CRHR2: variants seen among roughly 807,000 people sequenced by gnomAD.
CRHR2 encodes the protein corticotropin releasing hormone receptor 2, also known as corticotropin-releasing hormone receptor 2.
CRHR2 carries 53 observed loss-of-function variants against 57.9 expected under a neutral mutation model. The ratio of observed to expected loss-of-function variants is 0.92; its 90% CI spans 0.73 to 1.15. The LOEUF (loss-of-function observed/expected upper bound fraction) is 1.15. Among genes scored for constraint, CRHR2 ranks in the 50% most tolerant of loss-of-function variants. CRHR2 has a pLI of 0.00. For missense variants in CRHR2, 532 were observed against 542.6 expected (o/e 0.98, Z 0.19); for synonymous variants, 213 against 220.9 (o/e 0.96, Z 0.32).
intron 2 of CRHR2, among the ~76,000 whole-genome samples, chr7:30,677,856 G>T (rs377752368): frequency 6.6e-6 from 1 of 152,260 alleles, no homozygotes; most frequent in Non-Finnish European, 1.5e-5. Flanking sequence ...GATCGCTTGA[G>T]TCTGGGAGTT....
At position 30,665,138 on chromosome 7, in the gene CRHR2, AGGT is replaced by A. The variant is rs1483490994; in HGVS notation, c.472_474del (p.Thr158del). 1 of 1,614,096 alleles carries A rather than the reference AGGT, an allele frequency of 6.2e-7. No individual in the cohort carries two copies. Among genetic ancestry groups the A allele is most frequent in the Admixed American group, 1.7e-5 (1 of 60,018 alleles). ...AACCACATGACATTTCGCAGGATAA[AGGT>A]GGTGATGAGGTTCCAGTGAATCACA... On this transcript the variant is annotated inframe_deletion, in exon 5 of 12. Transcript: ENST00000471646. This position sits in a 1 kb window ranked among gnomAD's most constrained non-coding sequence, Gnocchi z 4.5.
intron 2 of CRHR2, among the ~76,000 whole-genome samples, chr7:30,681,269 C>A (rs1260945948): frequency 6.6e-6 from 1 of 152,184 alleles, no homozygotes; most frequent in African/African-American, 2.4e-5. Flanking sequence ...GATTCAGACA[C>A]CACTCATTAT....
chr7:30,655,296 G>A (rs112042757), intron 10 of CRHR2, among the ~76,000 whole-genome samples: 1 of 152,156 alleles, frequency 6.6e-6, no homozygotes, highest in Admixed American at 6.5e-5. Flanking sequence ...GGCAGACTCC[G>A]GTCTCCTCAA....
chr7:30,658,908 C>T (rs1258716543), intron 8 of CRHR2, among the ~76,000 whole-genome samples: 1 of 152,024 alleles, frequency 6.6e-6, no homozygotes, highest in Non-Finnish European at 1.5e-5. Context: ...GTAGGGATGG[C>T]AGGAACACCA....
At chr7:30,654,921 T>C in intron 11 of CRHR2, 118 bp downstream of exon 11, 1 of 1,554,188 alleles carries the variant, frequency 6.4e-7, no homozygotes, top group Non-Finnish European at 8.7e-7. Context: ...CCGGGTGGTA[T>C]CTCAAGGCTT....
At chr7:30,682,534 C>CG, upstream of CRHR2, 2 of 1,237,138 alleles carry the variant, frequency 1.6e-6, no homozygotes, top group Non-Finnish European at 2.0e-6. Context: ...ATGGCTGCGC[C>CG]GGGGGGCGGG....
chr7:30,685,985 C>A (rs1344306604), upstream of CRHR2, among the ~76,000 whole-genome samples: 3 of 152,112 alleles, frequency 2.0e-5, no homozygotes, highest in African/African-American at 7.2e-5. Flanking sequence ...ATTTGAAAGG[C>A]CCTCCAGAAC....
chr7:30,691,700 T>C (rs1041121055), intron 1 of CRHR2, among the ~76,000 whole-genome samples: 1 of 152,214 alleles, frequency 6.6e-6, no homozygotes, highest in African/African-American at 2.4e-5. Context: ...GATCCTGGCT[T>C]CATCTCCTAT....
intron 7 of CRHR2, among the ~76,000 whole-genome samples, chr7:30,661,935 C>A (rs1031949616): frequency 6.6e-6 from 1 of 152,208 alleles, no homozygotes; most frequent in Non-Finnish European, 1.5e-5. Context: ...CTTCAAGGAA[C>A]CACAATTCCT....
chr7:30,656,134 C>G lies in CRHR2; in HGVS notation c.832-122G>C. 1.2e-6 allele frequency: 1 copy of G among 841,758 alleles called. No individual in the cohort carries two copies. Among genetic ancestry groups the G allele is most frequent in the Non-Finnish European group, 2.0e-6 (1 of 512,184 alleles). The allele number at this position is 841,758 out of a possible 1,614,324, so 52.1% of individuals were successfully genotyped here. A position where few individuals can be genotyped will look rare whatever the true frequency, so the allele number is the denominator to read the frequency against. ...CCGATGTCCCACGCACACACCTATC[C>G]TACCTGTCCCCCTAGCACCTGCCAG... On this transcript the variant is annotated intron_variant, in intron 8 of 11. Coordinates refer to ENST00000471646, the MANE Select transcript of CRHR2 (RefSeq NM_001883.5). This position sits in a 1 kb window ranked among gnomAD's most constrained non-coding sequence, Gnocchi z 4.4.
At chr7:30,694,273 C>A (rs1420344294) in intron 1 of CRHR2, among the ~76,000 whole-genome samples, 4 of 152,208 alleles carry the variant, frequency 2.6e-5, no homozygotes, top group Non-Finnish European at 4.4e-5. Flanking sequence ...GGGCCCAGGT[C>A]CTGGTTCCCG....
Position 30,667,221 on chromosome 7 carries a change from C to T in CRHR2, c.315+7G>A. The T allele has an allele frequency of 6.2e-7, 1 of 1,613,718 alleles. No individual in the cohort carries two copies. Among genetic ancestry groups the T allele is most frequent in the East Asian group, 2.2e-5 (1 of 44,866 alleles). On this transcript the variant is annotated splice_region_variant and intron_variant, in intron 3 of 11. Coordinates refer to ENST00000471646, the MANE Select transcript of CRHR2 (RefSeq NM_001883.5). ...GCCTGGGGTCACAGCAGGTGAGGGC[C>T]ACTCACCTTGTCATCCAAAATGGGC...
At chr7:30,670,546 C>A (rs1294789254) in intron 2 of CRHR2, among the ~76,000 whole-genome samples, 1 of 152,254 alleles carries the variant, frequency 6.6e-6, no homozygotes, top group African/African-American at 2.4e-5. Context: ...CCAGCCCTGC[C>A]TGCAGATGAG....
intron 1 of CRHR2, among the ~76,000 whole-genome samples, chr7:30,693,722 C>T (rs1180721992): frequency 6.6e-6 from 1 of 151,814 alleles, no homozygotes; most frequent in Non-Finnish European, 1.5e-5. Flanking sequence ...TCTTGTGGGA[C>T]TGAGGCTTTA....
At chr7:30,691,862 G>A (rs1784967554) in intron 1 of CRHR2, among the ~76,000 whole-genome samples, 1 of 152,188 alleles carries the variant, frequency 6.6e-6, no homozygotes, top group East Asian at 1.9e-4. Flanking sequence ...GGTGATGGGT[G>A]GGCAGGGAGG....
rs762228176 is a variant in CRHR2 at position 30,655,696 on chromosome 7, G to A, written c.937C>T (p.Leu313=). 7.2e-5 allele frequency: 117 copies of A among 1,613,872 alleles called. No homozygotes were observed. The highest frequency in any genetic ancestry group is 6.4e-5 in the Non-Finnish European group (76 of 1,179,902). ...ATGCCCAGGAGGGGCAGGAGCACCA[G>A]GGTGGCCTTCACTGCCTTCCTGGGG... ...IQYRKAVKAT[L]VLLPLLGITY... The change falls in exon 10 of 12, where the codon CTG becomes TTG. Residue 313 remains leucine, a synonymous_variant. Coordinates refer to ENST00000471646, the MANE Select transcript of CRHR2 (RefSeq NM_001883.5).
upstream of CRHR2, among the ~76,000 whole-genome samples, chr7:30,684,961 G>A (rs1289169991): frequency 1.3e-5 from 2 of 152,214 alleles, no homozygotes; most frequent in Non-Finnish European, 2.9e-5. Flanking sequence ...GATAGTGATG[G>A]GTTCCCAGCG....
intron 1 of CRHR2, among the ~76,000 whole-genome samples, chr7:30,696,270 A>G (rs1320113822): frequency 1.3e-5 from 2 of 152,194 alleles, no homozygotes; most frequent in African/African-American, 4.8e-5. Context: ...AAATAACTAA[A>G]AGTATAATTA....
In CRHR2 at chr7:30,668,933, A is replaced by G. The variant is rs531823811; in HGVS notation, c.230-1620T>C. Among the ~76,000 whole-genome samples, 7 of 152,316 alleles carry G rather than the reference A, an allele frequency of 4.6e-5. No individual in the cohort carries two copies. The East Asian group carries it at 1.4e-3, about 29-fold the overall frequency. Reference sequence around the variant, plus strand: ...AACTCCCCAGGTGGGATCTAATTTGATACCTAGCACTATCTTTCCTTACCA... The same window carrying G: ...AACTCCCCAGGTGGGATCTAATTTGGTACCTAGCACTATCTTTCCTTACCA... On this transcript the variant is annotated intron_variant, in intron 2 of 11. Transcript: ENST00000471646.
Sources: allele counts gnomAD v4.1 joint callset (sites outside exome capture counted in the v4.1 genomes callset), GRCh38; gene constraint gnomAD v4.1.1; non-coding constraint Gnocchi (gnomAD v3.1); transcripts MANE v1.5; gene names NCBI Gene and HGNC (gene_info 2026-07-23, HGNC 2026-07-21).